PSTPIP2: variants seen among roughly 807,000 people sequenced by gnomAD.
PSTPIP2 encodes proline-serine-threonine phosphatase-interacting protein 2.
In PSTPIP2, 33 loss-of-function variants were observed where a neutral mutation model predicts 63.3. The ratio of observed to expected loss-of-function variants is 0.52; its 90% CI spans 0.40 to 0.70. PSTPIP2 has a LOEUF of 0.70. PSTPIP2 is among the 30% of genes least tolerant of loss of function. PSTPIP2 has a pLI of 0.00. For missense variants in PSTPIP2, 312 were observed against 400.7 expected (o/e 0.78, Z 1.89); for synonymous variants, 125 against 132.7 (o/e 0.94, Z 0.40).
At chr18:45,989,581 C>T (rs528269302) in intron 13 of PSTPIP2, 1 of 152,602 alleles carries the variant, frequency 6.6e-6, no homozygotes, top group African/African-American at 2.4e-5. Flanking sequence ...TATATCTTTT[C>T]TTTACTCAAA....
chr18:46,024,005 A>C (rs1317292224), intron 3 of PSTPIP2, among the ~76,000 whole-genome samples: 1 of 151,992 alleles, frequency 6.6e-6, no homozygotes. Flanking sequence ...TTCATAGTCC[A>C]CTTTAGCCAT....
At chr18:46,010,397 G>A (rs189111457) in intron 5 of PSTPIP2, among the ~76,000 whole-genome samples, 93 of 152,294 alleles carry the variant, frequency 6.1e-4, no homozygotes, top group African/African-American at 2.1e-3. Flanking sequence ...AGATAGAGAA[G>A]AGCTTGTCTC....
intron 5 of PSTPIP2, among the ~76,000 whole-genome samples, chr18:46,009,362 T>TAAAAAAAAA (rs749693553): frequency 2.1e-5 from 1 of 46,846 alleles, no homozygotes; most frequent in Non-Finnish European, 3.7e-5. Flanking sequence ...TTTTATGGTG[T>TAAAAAAAAA]AAAAAAAAAA....
intron 1 of PSTPIP2, among the ~76,000 whole-genome samples, chr18:46,064,282 CTTTTTTTTTTTTTTTTTTT>C (rs56236802): frequency 0.023 from 1,666 of 71,680 alleles, 23 homozygotes; most frequent in Non-Finnish European, 0.031. Context: ...CTTTTTCTTT[CTTTTTTTTTTTTTTTTTTT>C]TTTTTTTGAG....
At chr18:46,061,525 T>C (rs1490289269) in intron 1 of PSTPIP2, among the ~76,000 whole-genome samples, 1 of 152,084 alleles carries the variant, frequency 6.6e-6, no homozygotes, top group African/African-American at 2.4e-5. Flanking sequence ...CCAGCCAAGA[T>C]AGTGGCTCTG....
intron 1 of PSTPIP2, among the ~76,000 whole-genome samples, chr18:46,046,545 A>C (rs1230080494): frequency 6.6e-6 from 1 of 152,056 alleles, no homozygotes; most frequent in Non-Finnish European, 1.5e-5. Context: ...CCTTCTATAC[A>C]CCTTCCAAGT....
intron 1 of PSTPIP2, chr18:46,041,176 G>C (rs535966067): frequency 9.5e-5 from 39 of 411,432 alleles, no homozygotes; most frequent in African/African-American, 6.8e-4. Flanking sequence ...CTGTCCACTG[G>C]GAAGCATGAA....
chr18:46,070,753 C>T (rs775700017), intron 1 of PSTPIP2, among the ~76,000 whole-genome samples: 2 of 152,178 alleles, frequency 1.3e-5, no homozygotes, highest in Non-Finnish European at 2.9e-5. Context: ...CTCCTGGCCT[C>T]AAGCAATCCT....
intron 1 of PSTPIP2, among the ~76,000 whole-genome samples, chr18:46,060,398 G>A (rs16978521): frequency 0.023 from 3,533 of 152,162 alleles, 142 homozygotes; most frequent in African/African-American, 0.08. Context: ...CAACTATGAC[G>A]TACTTTATCA....
intron 1 of PSTPIP2, among the ~76,000 whole-genome samples, chr18:46,066,116 G>A (rs1025910670): frequency 1.3e-5 from 2 of 151,852 alleles, no homozygotes; most frequent in African/African-American, 4.8e-5. Context: ...AAGGCAGGCA[G>A]ATTGCTTGAG....
chr18:46,011,755 C>T (rs2051799028), intron 4 of PSTPIP2, among the ~76,000 whole-genome samples: 2 of 152,160 alleles, frequency 1.3e-5, no homozygotes, highest in African/African-American at 2.4e-5. Flanking sequence ...AAGATTATTG[C>T]TGATTTTTCC....
intron 1 of PSTPIP2, among the ~76,000 whole-genome samples, chr18:46,045,530 A>G (rs1424666728): frequency 3.3e-5 from 5 of 152,148 alleles, no homozygotes; most frequent in Non-Finnish European, 5.9e-5. Context: ...GGGAGGGGGA[A>G]GGGATAGCTT....
chr18:46,030,637 T>C (rs1907757301), intron 2 of PSTPIP2, among the ~76,000 whole-genome samples: 1 of 152,230 alleles, frequency 6.6e-6, no homozygotes, highest in African/African-American at 2.4e-5. Context: ...ATCCTGAAGA[T>C]TTTAATTTGG....
intron 4 of PSTPIP2, among the ~76,000 whole-genome samples, chr18:46,013,605 G>A (rs1323866044): frequency 6.6e-6 from 1 of 151,922 alleles, no homozygotes; most frequent in Non-Finnish European, 1.5e-5. Flanking sequence ...TCTGTTGGCT[G>A]AATTCCAAGT....
chr18:46,005,898 A>G (rs1425865448), intron 5 of PSTPIP2, among the ~76,000 whole-genome samples: 2 of 152,228 alleles, frequency 1.3e-5, no homozygotes, highest in Non-Finnish European at 2.9e-5. Context: ...TCTTTATTCT[A>G]TAAGTATACA....
intron 14 of PSTPIP2, among the ~76,000 whole-genome samples, chr18:45,986,967 A>G (rs2051474089): frequency 6.6e-6 from 1 of 152,106 alleles, no homozygotes; most frequent in African/African-American, 2.4e-5. Context: ...GGTCCTAAGT[A>G]GCTGGGGCTA....
At chr18:46,059,539 G>A (rs184849770) in intron 1 of PSTPIP2, among the ~76,000 whole-genome samples, 9 of 152,010 alleles carry the variant, frequency 5.9e-5, no homozygotes, top group South Asian at 4.1e-4. Context: ...GTGAGCCACC[G>A]CGCCTGGTCT....
intron 2 of PSTPIP2, chr18:46,029,383 A>G (rs1266140008): frequency 6.5e-7 from 1 of 1,546,664 alleles, no homozygotes; most frequent in Non-Finnish European, 8.9e-7. Context: ...TTCTCTTCAG[A>G]TAGTAAGAAA....
At chr18:46,064,117 T>A (rs188927255) in intron 1 of PSTPIP2, among the ~76,000 whole-genome samples, 1 of 152,284 alleles carries the variant, frequency 6.6e-6, no homozygotes, top group Non-Finnish European at 1.5e-5. Flanking sequence ...CAGGGGCTTG[T>A]AGATGAGAGA....
Sources: gnomAD v4.1 joint callset for allele counts (sites outside exome capture counted in the v4.1 genomes callset) on GRCh38, gnomAD v4.1.1 for gene constraint, MANE v1.5 for transcripts, NCBI Gene and HGNC (gene_info 2026-07-23, HGNC 2026-07-21) for gene names.